MTRR: variants seen among roughly 807,000 people sequenced by gnomAD.
MTRR encodes 5-methyltetrahydrofolate-homocysteine methyltransferase reductase.
A neutral mutation model predicts 79.2 loss-of-function variants in MTRR; 63 were observed. The ratio of observed to expected loss-of-function variants is 0.80; its 90% CI spans 0.65 to 0.98. The LOEUF is 0.98. MTRR is among the 50% of genes least tolerant of loss of function. The pLI is 0.00. For synonymous variants in MTRR, 355 were observed against 313.3 expected, an observed-to-expected ratio of 1.13 and a Z score of -1.41; for missense variants, 895 against 839.6, an observed-to-expected ratio of 1.07 and a Z score of -0.82.
intron 1 of MTRR, chr5:7,861,183 C>G (rs1317510691): frequency 6.2e-7 from 1 of 1,612,276 alleles, no homozygotes; most frequent in Non-Finnish European, 8.5e-7. Flanking sequence ...CTGTAGGTGT[C>G]TTTGTTTAAT....
intron 1 of MTRR, chr5:7,859,471 C>A: frequency 6.2e-7 from 1 of 1,606,856 alleles, no homozygotes; most frequent in Non-Finnish European, 8.5e-7. Context: ...TTTGAGAAAA[C>A]AGTTTTCTTT....
At chr5:7,859,263 T>A (rs549666177) in intron 1 of MTRR, 1 of 391,322 alleles carries the variant, frequency 2.6e-6, no homozygotes, top group East Asian at 3.8e-5. Flanking sequence ...AAATTAATTT[T>A]AAATTTTACC....
intron 1 of MTRR, among the ~76,000 whole-genome samples, chr5:7,860,553 T>G (rs1229953331): frequency 1.3e-5 from 2 of 152,112 alleles, no homozygotes; most frequent in East Asian, 3.9e-4. Flanking sequence ...GCTCTGAAAA[T>G]TCTGTATTTC....
At position 7,900,384 on chromosome 5, in the gene MTRR, G is replaced by A. The variant is rs1739288832; in HGVS notation, c.*326G>A. On this transcript the variant is annotated 3_prime_UTR_variant, in exon 15 of 15. Coordinates refer to ENST00000440940, the MANE Select transcript of MTRR (RefSeq NM_002454.3). ...CTTCACAGAGACTCTGTCCTTCCAT[G>A]CAAAGGCTTCCTGAAATAGGGAGAC... 3.5e-6 allele frequency: 1 copy of A among 286,684 alleles called. No homozygotes were observed. The highest frequency in any genetic ancestry group is 6.6e-6 in the Non-Finnish European group (1 of 151,232). The allele number at this position is 286,684 out of a possible 1,614,324, so 17.8% of individuals were successfully genotyped here. A position where few individuals can be genotyped will look rare whatever the true frequency, so the allele number is the denominator to read the frequency against.
intron 11 of MTRR, 49 bp downstream of exon 11, chr5:7,892,962 TTTCA>T: frequency 6.4e-7 from 1 of 1,563,098 alleles, no homozygotes; most frequent in East Asian, 2.3e-5. Flanking sequence ...ATACTCTTTG[TTTCA>T]TTAGAAAAAA....
intron 8 of MTRR, 27 bp downstream of exon 8, chr5:7,886,730 A>T (rs776932203): frequency 1.3e-6 from 2 of 1,536,122 alleles, no homozygotes; most frequent in East Asian, 2.2e-5. Flanking sequence ...TCTTCAGGTA[A>T]CTATTTTAAA....
In MTRR at chr5:7,877,974, T is replaced by C; in HGVS notation, c.432T>C (p.Ala144=). 1 of 1,613,608 alleles carries C rather than the reference T, an allele frequency of 6.2e-7. No individual in the cohort carries two copies. The highest frequency in any genetic ancestry group is 8.5e-7 in the Non-Finnish European group (1 of 1,179,992). The change falls in exon 5 of 15, where the codon GCT becomes GCC. Residue 144 remains alanine (A), a synonymous_variant. Transcript: ENST00000440940. ...AACTTGTGGTTGAGCCGTGGATTGC[T>C]GGACTCTGGCCAGCCCTCAGAAAGC... ...GLELVVEPWI[A]GLWPALRKHF... is the part of the protein sequence containing the mutation.
intron 8 of MTRR, 120 bp from the exon 9 acceptor site, chr5:7,888,975 A>G: frequency 9.1e-7 from 1 of 1,100,038 alleles, no homozygotes; most frequent in African/African-American, 1.5e-5. Flanking sequence ...AATAGCTCCT[A>G]GTGGCTTTCT....
intron 5 of MTRR, among the ~76,000 whole-genome samples, chr5:7,878,625 G>A (rs1734981460): frequency 6.6e-6 from 1 of 152,242 alleles, no homozygotes; most frequent in African/African-American, 2.4e-5. Flanking sequence ...ATTACAAAAG[G>A]TCTTGTATTA....
chr5:7,875,788 C>T (rs1380970130), intron 4 of MTRR, among the ~76,000 whole-genome samples: 1 of 152,276 alleles, frequency 6.6e-6, no homozygotes, highest in Non-Finnish European at 1.5e-5. Flanking sequence ...TTAGAGAACA[C>T]AGGTCTGTGG....
chr5:7,885,625 A>G (rs1736282202), intron 6 of MTRR, 76 bp from the exon 7 acceptor site: 2 of 1,384,674 alleles, frequency 1.4e-6, no homozygotes, highest in Non-Finnish European at 1.0e-6. Context: ...TGAAAACTAT[A>G]TTTTTGTTAC....
At chr5:7,883,079 A>C in intron 5 of MTRR, 76 bp from the exon 6 acceptor site, 1 of 1,601,498 alleles carries the variant, frequency 6.2e-7, no homozygotes, top group South Asian at 1.1e-5. Context: ...GCCCCTGTGG[A>C]TCTTGCGTAG....
intron 3 of MTRR, among the ~76,000 whole-genome samples, chr5:7,874,219 C>G (rs900713004): frequency 6.6e-6 from 1 of 152,152 alleles, no homozygotes. Context: ...GGTCTGCATT[C>G]CTGACTTGTG....
chr5:7,891,549 A>G, intron 10 of MTRR, 135 bp downstream of exon 10: 1 of 709,424 alleles, frequency 1.4e-6, no homozygotes, highest in Non-Finnish European at 2.5e-6. Context: ...CAGGCATAAT[A>G]AAGCAGAAGA....
intron 1 of MTRR, chr5:7,861,754 T>C: frequency 1.3e-6 from 2 of 1,495,854 alleles, no homozygotes; most frequent in East Asian, 2.5e-5. Flanking sequence ...CCACCTTGCA[T>C]TGATCAATTG....
In MTRR at chr5:7,870,895, A is replaced by T. The variant is rs141118068; in HGVS notation, c.101A>T (p.Asp34Val). The T allele has an allele frequency of 9.3e-6, 15 of 1,614,114 alleles. No individual in the cohort carries two copies. Among genetic ancestry groups the T allele is most frequent in the Non-Finnish European group, 1.1e-5 (13 of 1,180,046 alleles). Residue 34 changes from aspartate (D) to valine (V), a missense_variant, in exon 2 of 15, where the codon GAT becomes GTT. Asp to Val is a radical substitution (Grantham distance 152). Transcript: ENST00000440940. ...GCTGTGGTACATGGATTTTCTGCAG[A>T]TCTTCACTGTATTAGTGAATCCGAT... is the stretch of plus-strand genomic sequence containing the variant. ...EQAVVHGFSA[D>V]LHCISESDKY...
Position 7,878,040 on chromosome 5 carries a change from A to T in MTRR, c.498A>T (p.Ala166=). The change falls in exon 5 of 15, where the codon GCA becomes GCT. Residue 166 remains alanine (A), a synonymous_variant. Transcript: ENST00000440940. ...GAGGACAAGAGGAGATAAGTGGCGC[A>T]CTCCCGGTGGCATCACCTGCATCCT... ...SSRGQEEISG[A]LPVASPASSR... 6.2e-7 allele frequency: 1 copy of T among 1,613,316 alleles called. No homozygotes were observed.
chr5:7,861,307 T>C, intron 1 of MTRR: 1 of 1,124,704 alleles, frequency 8.9e-7, no homozygotes. Flanking sequence ...TTTTAAATAA[T>C]CCAAAATATT....
rs771164103 is a variant in MTRR at position 7,878,230 on chromosome 5, C to G, written c.688C>G (p.Arg230Gly). ...TGAAGACTTTGAGTCCTCACTTACC[C>G]GTTCGGTACCCCCACTCTCACAAGC... is the stretch of plus-strand genomic sequence containing the variant. ...VIEDFESSLT[R>G]SVPPLSQASL... The change falls in exon 5 of 15, where the codon CGT (arginine) becomes GGT (glycine). Residue 230 changes from arginine to glycine, a missense_variant. Physicochemically the swap from Arg to Gly is moderately radical, Grantham distance 125. Transcript: ENST00000440940. 1.9e-6 allele frequency: 3 copies of G among 1,614,130 alleles called. No homozygotes were observed. The highest frequency in any genetic ancestry group is 2.2e-5 in the South Asian group (2 of 91,082).
Sources: allele counts gnomAD v4.1 joint callset (sites outside exome capture counted in the v4.1 genomes callset), GRCh38; gene constraint gnomAD v4.1.1; transcripts MANE v1.5; gene names NCBI Gene and HGNC (gene_info 2026-07-23, HGNC 2026-07-21).